GLDN: variants seen among roughly 807,000 people sequenced by gnomAD.
GLDN encodes the protein collomin.
In GLDN, 47 loss-of-function variants were observed where a neutral mutation model predicts 56.5. The observed-to-expected ratio is 0.83, with a 90% CI of 0.66 to 1.06. The LOEUF is 1.06. Ranked by LOEUF, GLDN falls within the 50% of genes least tolerant of loss-of-function variation. The pLI is 0.00. For missense variants in GLDN, 782 were observed against 714.3 expected, an observed-to-expected ratio of 1.09 and a Z score of -1.08; for synonymous variants, 332 against 278.8, an observed-to-expected ratio of 1.19 and a Z score of -1.90.
chr15:51,348,223 G>C (rs1021742348), intron 1 of GLDN, among the ~76,000 whole-genome samples: 3 of 152,132 alleles, frequency 2.0e-5, no homozygotes, highest in South Asian at 4.2e-4. Context: ...TTGTCTAAAG[G>C]GGAGGCTCCC....
chr15:51,411,640 C>G (rs1278505861), downstream of GLDN, among the ~76,000 whole-genome samples: 2 of 152,164 alleles, frequency 1.3e-5, no homozygotes, highest in East Asian at 3.8e-4. Flanking sequence ...GAGCATGGCT[C>G]TATTAAAACT....
At chr15:51,393,790 A>T (rs1176530346) in intron 4 of GLDN, among the ~76,000 whole-genome samples, 1 of 152,206 alleles carries the variant, frequency 6.6e-6, no homozygotes, top group East Asian at 1.9e-4. Flanking sequence ...TCAGGGTCCA[A>T]GGCTGACACA....
rs1017887444 is a variant in GLDN at position 51,400,282 on chromosome 15, A to T, written c.901+7A>T. On this transcript the variant is annotated splice_region_variant and intron_variant, in intron 7 of 9. Coordinates refer to ENST00000335449, the MANE Select transcript of GLDN (RefSeq NM_181789.4). The stretch of plus-strand genomic sequence containing the variant: ...CACCATTCCCCACAAGCAGGTATAG[A>T]AACAAAGCGTCCTGTCTTGAAATTC... 3 of 1,614,090 alleles carry T rather than the reference A, an allele frequency of 1.9e-6. No homozygotes were observed. Among genetic ancestry groups the T allele is most frequent in the African/African-American group, 1.3e-5 (1 of 74,942 alleles).
chr15:51,376,418 G>T (rs1023724731), intron 1 of GLDN, among the ~76,000 whole-genome samples: 1 of 152,194 alleles, frequency 6.6e-6, no homozygotes, highest in Non-Finnish European at 1.5e-5. Context: ...TACAGAACTG[G>T]GGTAGCTCTG....
chr15:51,349,671 C>T (rs2037039180), intron 1 of GLDN, among the ~76,000 whole-genome samples: 1 of 152,026 alleles, frequency 6.6e-6, no homozygotes, highest in Admixed American at 6.5e-5. Context: ...TAGTTTTTGT[C>T]TCGTTCTTCT....
chr15:51,391,601 C>T (rs1286662982), intron 4 of GLDN, among the ~76,000 whole-genome samples: 1 of 152,206 alleles, frequency 6.6e-6, no homozygotes, highest in African/African-American at 2.4e-5. Flanking sequence ...CAAAGAGGGC[C>T]GGGCAGAAGG....
At chr15:51,345,762 G>T (rs576854186) in intron 1 of GLDN, among the ~76,000 whole-genome samples, 1 of 152,264 alleles carries the variant, frequency 6.6e-6, no homozygotes, top group Admixed American at 6.5e-5. Context: ...AGAGCAACAA[G>T]ACAAGGGAAA....
At position 51,382,638 on chromosome 15, in the gene GLDN, A is replaced by G. The variant is rs371071363; in HGVS notation, c.416-798A>G. ...CTACTCGGGAGGCTGAGGCAGGAGA[A>G]TGGCATGAACCCAGGAGGCGGAGCT... On this transcript the variant is annotated intron_variant, in intron 2 of 9. Transcript: ENST00000335449. 4.6e-5 allele frequency among the ~76,000 whole-genome samples: 7 copies of G among 151,424 alleles called. No homozygotes were observed. The East Asian group carries it at 1.4e-3, about 29-fold the overall frequency.
intron 1 of GLDN, chr15:51,377,182 G>A (rs1157114920): frequency 2.0e-6 from 1 of 504,568 alleles, no homozygotes; most frequent in South Asian, 2.8e-5. Context: ...CAAACACGAA[G>A]TCATGCATTG....
chr15:51,345,031 A>AT (rs11435881), intron 1 of GLDN, among the ~76,000 whole-genome samples: 20,788 of 152,162 alleles, frequency 0.14, 2,199 homozygotes, highest in East Asian at 0.29. Context: ...TAGGCCAATA[A>AT]GGAAATGGGG....
Position 51,400,187 on chromosome 15 carries a change from TTTAGGTGAGACTTG to T in GLDN, c.818-3_828del. On this transcript the variant is annotated splice_acceptor_variant and splice_polypyrimidine_tract_variant and coding_sequence_variant and intron_variant, in exon 7 of 10. Transcript: ENST00000335449. LOFTEE classifies it high-confidence loss of function. Reference sequence around the variant, plus strand: ...CGGCTCTGATGATTATTGTTGTCATTTTAGGTGAGACTTGTGCCATACCAAATGATGATACCTTG... The same window carrying T: ...CGGCTCTGATGATTATTGTTGTCATTTGCCATACCAAATGATGATACCTTG... 6.2e-7 allele frequency: 1 copy of T among 1,613,764 alleles called. No homozygotes were observed. Among genetic ancestry groups the T allele is most frequent in the African/African-American group, 1.3e-5 (1 of 75,008 alleles).
chr15:51,391,675 G>A (rs750486086), intron 4 of GLDN, among the ~76,000 whole-genome samples: 8 of 152,206 alleles, frequency 5.3e-5, no homozygotes, highest in Non-Finnish European at 7.3e-5. Flanking sequence ...GCCCGGAGGA[G>A]TCAATGCAAT....
At chr15:51,370,220 G>C (rs2037488194) in intron 1 of GLDN, among the ~76,000 whole-genome samples, 1 of 152,142 alleles carries the variant, frequency 6.6e-6, no homozygotes, top group African/African-American at 2.4e-5. Context: ...TTGGGCATCA[G>C]CTTTCTCATC....
chr15:51,343,089 A>G (rs1469559477), intron 1 of GLDN, among the ~76,000 whole-genome samples: 4 of 152,236 alleles, frequency 2.6e-5, no homozygotes, highest in African/African-American at 7.2e-5. Context: ...GATTTCGGCT[A>G]TTACCTCCAG....
intron 4 of GLDN, among the ~76,000 whole-genome samples, chr15:51,390,114 A>G (rs1213387417): frequency 6.6e-6 from 1 of 152,232 alleles, no homozygotes; most frequent in African/African-American, 2.4e-5. Flanking sequence ...CCCCTGGGCA[A>G]GTTATCACTT....
At chr15:51,371,168 C>G (rs1423636610) in intron 1 of GLDN, among the ~76,000 whole-genome samples, 1 of 152,130 alleles carries the variant, frequency 6.6e-6, no homozygotes, top group Non-Finnish European at 1.5e-5. Flanking sequence ...CATTATGTGG[C>G]TTGGGCTGCA....
intron 4 of GLDN, among the ~76,000 whole-genome samples, chr15:51,390,305 CTT>C (rs2037990058): frequency 6.6e-6 from 1 of 152,274 alleles, no homozygotes; most frequent in African/African-American, 2.4e-5. Context: ...GAAGGAGAAA[CTT>C]TATTTTAGAC....
chr15:51,368,363 G>C (rs995342916), intron 1 of GLDN, among the ~76,000 whole-genome samples: 2 of 152,028 alleles, frequency 1.3e-5, no homozygotes, highest in African/African-American at 4.8e-5. Flanking sequence ...CAGTCAGTAG[G>C]GACTGGGCTT....
Position 51,404,388 on chromosome 15 carries a change from T to A in GLDN, c.1290T>A (p.Asp430Glu), listed in dbSNP as rs1396120397. 1 of 1,614,090 alleles carries A rather than the reference T, an allele frequency of 6.2e-7. No homozygotes were observed. The highest frequency in any genetic ancestry group is 8.5e-7 in the Non-Finnish European group (1 of 1,180,036). ...AAACTTACTTCAATCTAGCTGTAGA[T>A]GAAAAGGGCCTTTGGATTATCTATG... Reference protein sequence around the residue: ...NSKTYFNLAVDEKGLWIIYAS... With the variant: ...NSKTYFNLAVEEKGLWIIYAS... The change falls in exon 10 of 10, where the codon GAT becomes GAA. Residue 430 changes from aspartate to glutamate, a missense_variant. Physicochemically the swap from Asp to Glu is conservative, Grantham distance 45 (BLOSUM62 2). Coordinates refer to ENST00000335449, the MANE Select transcript of GLDN (RefSeq NM_181789.4).
Sources: allele counts gnomAD v4.1 joint callset (sites outside exome capture counted in the v4.1 genomes callset), GRCh38; gene constraint gnomAD v4.1.1; transcripts MANE v1.5; gene names NCBI Gene and HGNC (gene_info 2026-07-23, HGNC 2026-07-21).